The following GABRA4 variants were observed in gnomAD, a reference collection of about 807,000 sequenced individuals.
The protein encoded by GABRA4 is gamma-aminobutyric acid receptor subunit alpha-4.
Under a neutral mutation model 49.7 loss-of-function variants are expected in GABRA4, and 12 were observed. The observed-to-expected ratio is 0.24, with a 90% CI of 0.15 to 0.39. The LOEUF is 0.39. Ranked by LOEUF, GABRA4 falls within the 10% of genes least tolerant of loss-of-function variation. The pLI is 1.00. For synonymous variants in GABRA4, 288 were observed against 240.2 expected, an observed-to-expected ratio of 1.20 and a Z score of -1.84; for missense variants, 506 against 686.0, an observed-to-expected ratio of 0.74 and a Z score of 2.93.
chr4:46,960,543 C>T (rs2175553), intron 8 of GABRA4, among the ~76,000 whole-genome samples: 78,839 of 151,294 alleles, frequency 0.52, 20,849 homozygotes, highest in East Asian at 0.7. Context: ...ATAGGTAATA[C>T]TTCTGAACAT....
At chr4:46,935,148 A>G (rs1321508390) in intron 8 of GABRA4, among the ~76,000 whole-genome samples, 3 of 152,184 alleles carry the variant, frequency 2.0e-5, no homozygotes, top group Non-Finnish European at 4.4e-5. Context: ...TAGCTATGCC[A>G]TTGCCAGTGA....
chr4:46,978,448 G>A (rs1293475451), intron 3 of GABRA4, among the ~76,000 whole-genome samples: 4 of 151,802 alleles, frequency 2.6e-5, no homozygotes, highest in African/African-American at 9.7e-5. Context: ...AGCAATTTGG[G>A]AGACTAAGGT....
chr4:46,971,159 C>T lies in GABRA4; in HGVS notation c.798G>A (p.Pro266=), dbSNP rs541280213. 2.1e-5 allele frequency: 33 copies of T among 1,608,808 alleles called. No individual in the cohort carries two copies. Among genetic ancestry groups the T allele is most frequent in the East Asian group, 6.7e-5 (3 of 44,698 alleles). Reference sequence around the variant, plus strand: ...GAGAAAGAATCACTGTCATAATGCACGGAATATAGGTCTGAATCATAAAAT... The same window carrying T: ...GAGAAAGAATCACTGTCATAATGCATGGAATATAGGTCTGAATCATAAAAT... ...MGYFMIQTYI[P]CIMTVILSQV... Residue 266 remains proline (P), a synonymous_variant, in exon 7 of 9, where the codon CCG becomes CCA. Transcript: ENST00000264318.
chr4:46,990,212 G>A (rs1256083699), intron 2 of GABRA4, among the ~76,000 whole-genome samples: 5 of 152,136 alleles, frequency 3.3e-5, no homozygotes, highest in East Asian at 3.8e-4. Flanking sequence ...ATGTTAATTC[G>A]ACCCTTTCCC....
At chr4:46,977,759 G>T in intron 3 of GABRA4, 129 bp from the exon 4 acceptor site, 2 of 588,578 alleles carry the variant, frequency 3.4e-6, no homozygotes, top group Non-Finnish European at 5.8e-6. Context: ...ATTAATAGGA[G>T]CAGGAATGAT....
chr4:46,928,063 C>A lies in GABRA4; in HGVS notation c.*162G>T. 3.4e-6 allele frequency: 2 copies of A among 596,784 alleles called. No individual in the cohort carries two copies. Among genetic ancestry groups the A allele is most frequent in the Non-Finnish European group, 5.4e-6 (2 of 368,532 alleles). The allele number at this position is 596,784 out of a possible 1,614,324, so 37.0% of individuals were successfully genotyped here. Reference sequence around the variant, plus strand: ...AAAAAAAACATAGTTCACTTTTTCACTCAGGAATTAATTAACTCTCCCAAT... The same window carrying A: ...AAAAAAAACATAGTTCACTTTTTCAATCAGGAATTAATTAACTCTCCCAAT... On this transcript the variant is annotated 3_prime_UTR_variant, in exon 9 of 9. Coordinates refer to ENST00000264318, the MANE Select transcript of GABRA4 (RefSeq NM_000809.4).
In GABRA4 at chr4:46,972,346, A is replaced by G. The variant is rs553483042; in HGVS notation, c.722-1111T>C. On this transcript the variant is annotated intron_variant, in intron 6 of 8. Coordinates refer to ENST00000264318, the MANE Select transcript of GABRA4 (RefSeq NM_000809.4). ...GTTTTAATAGAAGAGACAGTGGGCT[A>G]AATTCCTTTTTAAAAACAAAGACTT... Among the ~76,000 whole-genome samples the G allele has an allele frequency of 4.6e-4, 70 of 151,758 alleles. No homozygotes were observed. In the South Asian group the frequency reaches 8.3e-3, roughly 18 times the overall value.
chr4:46,939,280 A>G (rs1380432664), intron 8 of GABRA4, among the ~76,000 whole-genome samples: 1 of 151,994 alleles, frequency 6.6e-6, no homozygotes, highest in African/African-American at 2.4e-5. Flanking sequence ...AATGCATTCT[A>G]TTCTAACATA....
At chr4:46,954,556 CAAAAA>C (rs60422399) in intron 8 of GABRA4, among the ~76,000 whole-genome samples, 2 of 88,826 alleles carry the variant, frequency 2.3e-5, no homozygotes, top group African/African-American at 4.1e-5. Context: ...AAACGCCATC[CAAAAA>C]AAAAAAAAAA....
At chr4:46,976,983 G>T in intron 5 of GABRA4, 78 bp downstream of exon 5, 1 of 822,010 alleles carries the variant, frequency 1.2e-6, no homozygotes, top group Non-Finnish European at 2.0e-6. Context: ...GTTGGATTAT[G>T]AAAAATAAAA....
intron 5 of GABRA4, among the ~76,000 whole-genome samples, chr4:46,975,521 T>C (rs1177960186): frequency 6.6e-6 from 1 of 151,988 alleles, no homozygotes; most frequent in Non-Finnish European, 1.5e-5. Context: ...ATGGGGGTTT[T>C]AAATAGTGTT....
chr4:46,974,720 T>C (rs992134015), intron 5 of GABRA4, among the ~76,000 whole-genome samples: 3 of 151,934 alleles, frequency 2.0e-5, no homozygotes, highest in Non-Finnish European at 4.4e-5. Flanking sequence ...AAAGCAGATA[T>C]ATTGAACTCC....
chr4:46,977,521 C>T lies in GABRA4; in HGVS notation c.383G>A (p.Trp128Ter). 6.2e-7 allele frequency: 1 copy of T among 1,611,214 alleles called. No individual in the cohort carries two copies. The highest frequency in any genetic ancestry group is 8.5e-7 in the Non-Finnish European group (1 of 1,177,814). Residue 128 changes from tryptophan (W) to a stop codon, truncating the protein, a stop_gained, in exon 4 of 9, where the codon TGG becomes TAG. Coordinates refer to ENST00000264318, the MANE Select transcript of GABRA4 (RefSeq NM_000809.4). LOFTEE classifies it high-confidence loss of function. The part of the protein sequence containing the change: ...RLNNMMVTKV[W>*]TPDTFFRNGK... ...ATTCCTGAAGAAAGTATCAGGGGTC[C>T]ACACTTTCGTTACCATCATATTGTT... is the stretch of plus-strand genomic sequence containing the variant.
At chr4:46,970,400 ATATAAT>A (rs1359404707) in intron 7 of GABRA4, among the ~76,000 whole-genome samples, 1 of 151,552 alleles carries the variant, frequency 6.6e-6, no homozygotes, top group Non-Finnish European at 1.5e-5. Flanking sequence ...ACTAAAATAA[ATATAAT>A]TATAACAAAT....
At chr4:46,956,778 A>G (rs1394285860) in intron 8 of GABRA4, among the ~76,000 whole-genome samples, 2 of 152,080 alleles carry the variant, frequency 1.3e-5, no homozygotes, top group African/African-American at 4.8e-5. Flanking sequence ...GGGGAAAAAT[A>G]TATTACTTTT....
intron 6 of GABRA4, 134 bp downstream of exon 6, chr4:46,974,098 T>C: frequency 1.4e-6 from 1 of 722,860 alleles, no homozygotes; most frequent in Non-Finnish European, 2.2e-6. Flanking sequence ...GAGCTATAAC[T>C]CATGCATCAA....
chr4:46,942,565 C>CAA (rs1721841399), intron 8 of GABRA4, among the ~76,000 whole-genome samples: 1 of 150,004 alleles, frequency 6.7e-6, no homozygotes, highest in Non-Finnish European at 1.5e-5. Flanking sequence ...GTGGAGTTTG[C>CAA]TGTGAGCTGA....
At chr4:46,991,719 G>A (rs2109413367) in intron 2 of GABRA4, among the ~76,000 whole-genome samples, 1 of 33,964 alleles carries the variant, frequency 2.9e-5, no homozygotes, top group South Asian at 9.9e-4. Context: ...CTTGGAACTT[G>A]GACTCAATTT....
intron 8 of GABRA4, among the ~76,000 whole-genome samples, chr4:46,961,296 C>T (rs1722564379): frequency 6.6e-6 from 1 of 151,834 alleles, no homozygotes; most frequent in African/African-American, 2.4e-5. Flanking sequence ...GAATGCCTAA[C>T]CTAATTTCTT....
Sources: gnomAD v4.1 joint callset for allele counts (sites outside exome capture counted in the v4.1 genomes callset) on GRCh38, gnomAD v4.1.1 for gene constraint, MANE v1.5 for transcripts, NCBI Gene and HGNC (gene_info 2026-07-23, HGNC 2026-07-21) for gene names.